Variants in ADD3 observed in about 807,000 individuals in gnomAD.
ADD3 encodes the protein adducin 3.
Under a neutral mutation model 80.2 loss-of-function variants are expected in ADD3, and 25 were observed. The ratio of observed to expected loss-of-function variants is 0.31; its 90% CI spans 0.23 to 0.44. ADD3 has a LOEUF of 0.44. Among genes scored for constraint, ADD3 ranks in the 20% least tolerant of loss-of-function variants. The probability of loss-of-function intolerance (pLI) is 1.00; values close to 1 mark genes in which losing one functional copy is unlikely to be tolerated. For synonymous variants in ADD3, 284 were observed against 289.6 expected, an observed-to-expected ratio of 0.98 and a Z score of 0.20; for missense variants, 829 against 847.5, an observed-to-expected ratio of 0.98 and a Z score of 0.27.
At chr10:110,087,779 T>A (rs1477031587) in intron 1 of ADD3, among the ~76,000 whole-genome samples, 1 of 152,220 alleles carries the variant, frequency 6.6e-6, no homozygotes, top group Non-Finnish European at 1.5e-5. Context: ...GGAAATTCCT[T>A]TGGAACAGTA....
Position 110,008,072 on chromosome 10 carries a change from G to C in ADD3, c.-257G>C, listed in dbSNP as rs1037614722. ...TTTAAATTAGATTTTTTAAAACACA[G>C]AGCAAGCGCCAGAGGCGTCGGCATC... is the stretch of plus-strand genomic sequence containing the variant. On this transcript the variant is annotated 5_prime_UTR_variant, in exon 1 of 15. Transcript: ENST00000356080. 4 of 152,272 alleles carry C rather than the reference G, an allele frequency of 2.6e-5. No individual in the cohort carries two copies. Among genetic ancestry groups the C allele is most frequent in the Non-Finnish European group, 5.9e-5 (4 of 68,088 alleles). 9.4% of individuals were successfully genotyped at this position (152,272 alleles called of 1,614,324 possible).
upstream of ADD3, among the ~76,000 whole-genome samples, chr10:110,003,224 T>G (rs546599125): frequency 6.6e-5 from 10 of 152,166 alleles, no homozygotes; most frequent in African/African-American, 2.4e-4. Flanking sequence ...GCTCTTCATA[T>G]TCAAATGGCA....
chr10:110,117,388 G>A lies in ADD3; in HGVS notation c.533G>A (p.Gly178Asp). 1 of 1,607,964 alleles carries A rather than the reference G, an allele frequency of 6.2e-7. No homozygotes were observed. Among genetic ancestry groups the A allele is most frequent in the Non-Finnish European group, 8.5e-7 (1 of 1,174,892 alleles). The change falls in exon 5 of 15, where the codon GGC becomes GAC. Residue 178 changes from glycine to aspartate, a missense_variant. Transcript: ENST00000356080. ...EQDHIIIIPR[G>D]LSFSEATASN... ...GACCACATTATAATAATTCCCAGAG[G>A]CCTATCTTTTTCTGAAGCTACAGCC... is the stretch of plus-strand genomic sequence containing the variant.
chr10:110,027,338 A>C lies in ADD3; in HGVS notation c.-30+19039A>C, dbSNP rs946878248. On this transcript the variant is annotated intron_variant, in intron 1 of 14. Transcript: ENST00000356080. The stretch of plus-strand genomic sequence containing the variant: ...GTAGCTAGAACTACCTGCATGGTAT[A>C]ATTTGAAGTTTCATAGGAAGGCCCT... 5.3e-5 allele frequency among the ~76,000 whole-genome samples: 8 copies of C among 152,176 alleles called. No individual in the cohort carries two copies. In the South Asian group the frequency reaches 1.7e-3, roughly 32 times the overall value.
chr10:109,999,989 G>T (rs1028755330), intron 1 of ADD3, among the ~76,000 whole-genome samples: 1 of 148,274 alleles, frequency 6.7e-6, no homozygotes, highest in African/African-American at 2.5e-5. Flanking sequence ...GTGCGATCTC[G>T]GCTCACTGCA....
rs1477458194 is a variant in ADD3, at chr10:110,133,775, T to C, written c.*157T>C. The C allele has an allele frequency of 1.8e-6, 1 of 551,572 alleles. No homozygotes were observed. Among genetic ancestry groups the C allele is most frequent in the East Asian group, 3.2e-5 (1 of 31,478 alleles). 34.2% of individuals were successfully genotyped at this position (551,572 alleles called of 1,614,324 possible). A position where few individuals can be genotyped will look rare whatever the true frequency, so the allele number is the denominator to read the frequency against. The stretch of plus-strand genomic sequence containing the variant: ...AAGAGGTTTTACAAAAGAAAAACTT[T>C]CAGATTCATCTCTCATTTTATATGT... On this transcript the variant is annotated 3_prime_UTR_variant, in exon 15 of 15. Transcript: ENST00000356080.
chr10:110,010,983 G>A (rs1852268008), intron 1 of ADD3, among the ~76,000 whole-genome samples: 1 of 152,128 alleles, frequency 6.6e-6, no homozygotes, highest in Non-Finnish European at 1.5e-5. Context: ...GTCACCTTTT[G>A]ACATTGAAAG....
In ADD3 at chr10:110,065,050, GA is replaced by G. The variant is rs892141234; in HGVS notation, c.-29-35565del. On this transcript the variant is annotated intron_variant, in intron 1 of 14. Coordinates refer to ENST00000356080, the MANE Select transcript of ADD3 (RefSeq NM_016824.5). The stretch of plus-strand genomic sequence containing the variant: ...CAGAGCGAGACCCTGTTTCAGAAAA[GA>G]AAAAAAAAATTACAAATTTCTTTAC... 2.8e-4 allele frequency among the ~76,000 whole-genome samples: 42 copies of G among 148,788 alleles called. No homozygotes were observed. In the East Asian group the frequency reaches 7.5e-3, roughly 26 times the overall value.
At chr10:110,102,436 C>A (rs114749921) in intron 2 of ADD3, among the ~76,000 whole-genome samples, 1,739 of 152,096 alleles carry the variant, frequency 0.011, 29 homozygotes, top group African/African-American at 0.037. Flanking sequence ...TAGTGAGACC[C>A]AGTCTTTGCA....
Position 110,126,098 on chromosome 10 carries a change from C to T in ADD3, c.1521+153C>T, listed in dbSNP as rs571021614. On this transcript the variant is annotated intron_variant, in intron 11 of 14. Coordinates refer to ENST00000356080, the MANE Select transcript of ADD3 (RefSeq NM_016824.5). ...TATAATTTTAGCTTATATTGAATGC[C>T]TCCAGCTCTGTGCTAGTAATTGGTG... is the stretch of plus-strand genomic sequence containing the variant. Among the ~76,000 whole-genome samples the T allele has an allele frequency of 1.2e-3, 177 of 152,272 alleles. 1 individual carries two copies. Among genetic ancestry groups the T allele is most frequent in the Non-Finnish European group, 1.9e-3 (129 of 68,018 alleles).
At chr10:110,054,439 C>CTTTTTT (rs36097209) in intron 1 of ADD3, among the ~76,000 whole-genome samples, 2 of 80,884 alleles carry the variant, frequency 2.5e-5, no homozygotes, top group Non-Finnish European at 5.4e-5. Flanking sequence ...CCAGTTTTCT[C>CTTTTTT]TTTTTTTTTT....
rs1442542966 is a variant in ADD3 at position 110,135,245 on chromosome 10, C to G, written c.*1627C>G. On this transcript the variant is annotated 3_prime_UTR_variant, in exon 15 of 15. Transcript: ENST00000356080. ...TGGAAACTTTCAGTTGCTTAACTCT[C>G]TATTGGAAGATTTTTTTAATGTTCT... The G allele has an allele frequency of 6.6e-6, 1 of 152,356 alleles. No individual in the cohort carries two copies. Among genetic ancestry groups the G allele is most frequent in the Non-Finnish European group, 1.5e-5 (1 of 67,988 alleles). 9.4% of individuals were successfully genotyped at this position (152,356 alleles called of 1,614,324 possible).
chr10:110,130,939 G>A (rs1852899187), intron 13 of ADD3, among the ~76,000 whole-genome samples: 1 of 151,954 alleles, frequency 6.6e-6, no homozygotes, highest in Admixed American at 6.6e-5. Context: ...GAGATTCCCA[G>A]ATGAGTAAAG....
At chr10:110,002,337 A>G (rs528488367), upstream of ADD3, among the ~76,000 whole-genome samples, 1 of 152,016 alleles carries the variant, frequency 6.6e-6, no homozygotes, top group East Asian at 1.9e-4. Context: ...GCAGTGGCAC[A>G]ATCTTGGCTC....
chr10:110,105,650 C>A (rs1437184170), intron 2 of ADD3, among the ~76,000 whole-genome samples: 5 of 152,108 alleles, frequency 3.3e-5, no homozygotes, highest in Non-Finnish European at 5.9e-5. Flanking sequence ...GTGGTGGTAG[C>A]CTGGGCACAT....
intron 1 of ADD3, among the ~76,000 whole-genome samples, chr10:110,078,326 C>G (rs1321662888): frequency 6.6e-6 from 1 of 152,074 alleles, no homozygotes; most frequent in East Asian, 1.9e-4. Context: ...CCCTAATTTT[C>G]TTTGTAAAGA....
chr10:110,050,378 A>G (rs543868478), intron 1 of ADD3, among the ~76,000 whole-genome samples: 2 of 152,164 alleles, frequency 1.3e-5, no homozygotes, highest in East Asian at 3.9e-4. Flanking sequence ...TGATGATTTT[A>G]TAAGGGGTTT....
chr10:110,044,439 G>A (rs910105917), intron 1 of ADD3, among the ~76,000 whole-genome samples: 2 of 152,188 alleles, frequency 1.3e-5, no homozygotes, highest in African/African-American at 2.4e-5. Flanking sequence ...ATTTTTGAGA[G>A]ATGAATCAAC....
chr10:110,129,231 C>T (rs745371896), intron 12 of ADD3, among the ~76,000 whole-genome samples: 2 of 150,972 alleles, frequency 1.3e-5, no homozygotes, highest in Non-Finnish European at 2.9e-5. Context: ...CTCACGGCAA[C>T]CTCCGCCTCC....
Sources: allele counts gnomAD v4.1 joint callset (sites outside exome capture counted in the v4.1 genomes callset), GRCh38; gene constraint gnomAD v4.1.1; transcripts MANE v1.5; gene names NCBI Gene and HGNC (gene_info 2026-07-23, HGNC 2026-07-21).